The following FANCI variants were observed in gnomAD, a reference collection of about 807,000 sequenced individuals.
FANCI encodes Fanconi anemia group I protein.
A neutral mutation model predicts 176.1 loss-of-function variants in FANCI; 156 were observed. That is an observed-to-expected ratio of 0.89 (90% CI 0.78 to 1.01). FANCI has a LOEUF of 1.01. Among genes scored for constraint, FANCI ranks in the 50% least tolerant of loss-of-function variants. The pLI is 0.00. For synonymous variants in FANCI, 613 were observed against 541.7 expected (o/e 1.13, Z -1.83); for missense variants, 1,678 against 1,534.1 (o/e 1.09, Z -1.57).
chr15:89,250,076 A>C (rs1010299355), intron 2 of FANCI, among the ~76,000 whole-genome samples: 2 of 152,228 alleles, frequency 1.3e-5, no homozygotes, highest in African/African-American at 4.8e-5. Context: ...CAAAAAGCAA[A>C]GACACTTTTA....
intron 14 of FANCI, 77 bp from the exon 15 acceptor site, chr15:89,281,093 T>C: frequency 6.7e-7 from 1 of 1,484,358 alleles, no homozygotes; most frequent in East Asian, 2.3e-5. Context: ...GACTTCACAT[T>C]TCTTTCTCCG....
In FANCI at chr15:89,263,920, C is replaced by A. The variant is rs2052827709; in HGVS notation, c.563C>A (p.Ala188Glu). The A allele has an allele frequency of 6.2e-7, 1 of 1,614,054 alleles. No homozygotes were observed. The highest frequency in any genetic ancestry group is 2.2e-5 in the East Asian group (1 of 44,854). ...ATCCACAGGGATGTCCCTCTGACTGCAGAAGAGGTGGAATTTGTGGTGGAA... is the reference window on the plus strand; with the variant it reads ...ATCCACAGGGATGTCCCTCTGACTGAAGAAGAGGTGGAATTTGTGGTGGAA... Reference protein sequence around the residue: ...TSMFKDVPLTAEEVEFVVEKA... With the variant: ...TSMFKDVPLTEEEVEFVVEKA... The change falls in exon 8 of 38, where the codon GCA becomes GAA. Residue 188 changes from alanine to glutamate, a missense_variant. Transcript: ENST00000310775.
In FANCI at chr15:89,306,380, A is replaced by G. The variant is rs7182180; in HGVS notation, c.3537+186A>G. Among the ~76,000 whole-genome samples the G allele has an allele frequency of 0.022, 3,377 of 152,046 alleles. 125 individuals are homozygous for G. The highest frequency in any genetic ancestry group is 0.078 in the African/African-American group (3,235 of 41,458). On this transcript the variant is annotated intron_variant, in intron 32 of 37. Transcript: ENST00000310775. The stretch of plus-strand genomic sequence containing the variant: ...GGCAGGCATCTCCACAGGCCAGGGA[A>G]AAACAGTTTATAATTCTAATCTGCT...
chr15:89,279,133 T>C (rs1476549669), intron 14 of FANCI, among the ~76,000 whole-genome samples: 1 of 146,278 alleles, frequency 6.8e-6, no homozygotes, highest in Non-Finnish European at 1.5e-5. Context: ...AACCTCTGAA[T>C]TTGCTGTTTT....
At chr15:89,278,201 A>G (rs2053478747) in intron 13 of FANCI, among the ~76,000 whole-genome samples, 1 of 152,244 alleles carries the variant, frequency 6.6e-6, no homozygotes, top group East Asian at 1.9e-4. Context: ...AAGTTGAAGT[A>G]AGAATTTTAA....
intron 10 of FANCI, among the ~76,000 whole-genome samples, chr15:89,270,208 A>AAATC (rs2053147650): frequency 6.6e-6 from 1 of 152,206 alleles, no homozygotes; most frequent in Non-Finnish European, 1.5e-5. Flanking sequence ...GATTTGGCCA[A>AAATC]CAGGCTGTAT....
intron 9 of FANCI, among the ~76,000 whole-genome samples, chr15:89,268,138 A>T (rs2053048783): frequency 6.6e-6 from 1 of 152,122 alleles, no homozygotes; most frequent in Non-Finnish European, 1.5e-5. Context: ...TCTGTTGCCT[A>T]GGCTGAAGTG....
chr15:89,247,079 T>TC (rs2052020421), intron 1 of FANCI, among the ~76,000 whole-genome samples: 1 of 151,228 alleles, frequency 6.6e-6, no homozygotes, highest in Admixed American at 6.6e-5. Flanking sequence ...CTTTTTTTTT[T>TC]TTTTTTTAAG....
intron 34 of FANCI, among the ~76,000 whole-genome samples, 170 bp from the exon 35 acceptor site, chr15:89,312,734 C>G (rs1405591159): frequency 6.6e-6 from 1 of 151,584 alleles, no homozygotes; most frequent in Non-Finnish European, 1.5e-5. Flanking sequence ...GCACAAGAAT[C>G]ACTTAACTCG....
At chr15:89,314,478 G>A in intron 35 of FANCI, 134 bp from the exon 36 acceptor site, 3 of 618,506 alleles carry the variant, frequency 4.9e-6, no homozygotes, top group Admixed American at 4.9e-5. Context: ...TAGATTACTG[G>A]TATACAACTG....
chr15:89,301,430 C>T lies in FANCI; in HGVS notation c.2994C>T (p.Pro998=), dbSNP rs2054520785. Residue 998 remains proline (P), a synonymous_variant, in exon 27 of 38, where the codon CCC becomes CCT. Transcript: ENST00000310775. ...CCAGTTTGTCCAAGTTACTGGAGCC[C>T]TCCTCTCCTCAGGTACTAGTACCGC... ...VLTSLSKLLE[P]SSPQFVQMLS... is the part of the protein sequence containing the mutation. 6 of 1,611,428 alleles carry T rather than the reference C, an allele frequency of 3.7e-6. No individual in the cohort carries two copies. Among genetic ancestry groups the T allele is most frequent in the African/African-American group, 2.7e-5 (2 of 74,874 alleles).
chr15:89,244,221 C>T (rs904037974), intron 1 of FANCI, 188 bp downstream of exon 1: 2 of 152,596 alleles, frequency 1.3e-5, no homozygotes, highest in African/African-American at 2.4e-5. Flanking sequence ...TCGCGGTTCC[C>T]TCCTAGGGGT....
intron 9 of FANCI, among the ~76,000 whole-genome samples, chr15:89,265,674 C>T (rs2052915215): frequency 6.6e-6 from 1 of 152,002 alleles, no homozygotes; most frequent in Non-Finnish European, 1.5e-5. Flanking sequence ...CAGGCATGCG[C>T]CACCACGCCC....
At chr15:89,261,782 A>T (rs1188097729) in intron 5 of FANCI, 39 bp from the exon 6 acceptor site, 1 of 1,614,184 alleles carries the variant, frequency 6.2e-7, no homozygotes, top group South Asian at 1.1e-5. Flanking sequence ...CTCTATGCAC[A>T]TAATCAAATT....
rs150758657 is a variant in FANCI at position 89,295,732 on chromosome 15, G to GCCC, written c.2636+644_2636+646dup. On this transcript the variant is annotated intron_variant, in intron 24 of 37. Transcript: ENST00000310775. ...TTTTCTAGTCTTGCCTTCCCCTGGC[G>GCCC]CCCCCCCCACCTTTTTTTTTTTGTT... Among the ~76,000 whole-genome samples, 1,002 of 114,176 alleles carry GCCC rather than the reference G, an allele frequency of 8.8e-3. 64 individuals are homozygous for GCCC. Among genetic ancestry groups the GCCC allele is most frequent in the African/African-American group, 0.013 (397 of 31,114 alleles). 74.9% of individuals were successfully genotyped at this position (114,176 alleles called of 152,430 possible). A position where few individuals can be genotyped will look rare whatever the true frequency, so the allele number is the denominator to read the frequency against.
intron 18 of FANCI, among the ~76,000 whole-genome samples, chr15:89,286,241 T>C (rs1469131714): frequency 1.3e-5 from 2 of 152,150 alleles, no homozygotes; most frequent in Non-Finnish European, 2.9e-5. Flanking sequence ...GATCCACCTG[T>C]CTCGGCATCC....
At chr15:89,266,202 C>T (rs2052953240) in intron 9 of FANCI, among the ~76,000 whole-genome samples, 1 of 145,294 alleles carries the variant, frequency 6.9e-6, no homozygotes, top group Non-Finnish European at 1.5e-5. Context: ...GTCTCTGTCA[C>T]CCAGGCTGGA....
intron 35 of FANCI, among the ~76,000 whole-genome samples, chr15:89,313,259 C>G (rs920555700): frequency 5.9e-5 from 9 of 151,732 alleles, no homozygotes; most frequent in Admixed American, 4.6e-4. Flanking sequence ...TCTGCAAATA[C>G]TGAAAAAAAA....
At chr15:89,301,819 G>A (rs777079458) in intron 27 of FANCI, among the ~76,000 whole-genome samples, 7 of 152,148 alleles carry the variant, frequency 4.6e-5, no homozygotes, top group South Asian at 2.1e-4. Flanking sequence ...TATGAAGAAG[G>A]CAGTTGACAT....
Sources: gnomAD v4.1 joint callset for allele counts (sites outside exome capture counted in the v4.1 genomes callset) on GRCh38, gnomAD v4.1.1 for gene constraint, MANE v1.5 for transcripts, NCBI Gene and HGNC (gene_info 2026-07-23, HGNC 2026-07-21) for gene names.